VPS13C: variants seen among roughly 807,000 people sequenced by gnomAD.
VPS13C encodes the protein intermembrane lipid transfer protein VPS13C.
Under a neutral mutation model 456.8 loss-of-function variants are expected in VPS13C, and 358 were observed. That is an observed-to-expected ratio of 0.78 (90% CI 0.72 to 0.86). VPS13C has a LOEUF of 0.86. Ranked by LOEUF, VPS13C falls within the 40% of genes least tolerant of loss-of-function variation. VPS13C has a pLI of 0.00. For missense variants in VPS13C, 4,818 were observed against 4,385.4 expected (o/e 1.10, Z -2.79); for synonymous variants, 1,578 against 1,486.7 (o/e 1.06, Z -1.41).
chr15:61,978,590 T>C (rs201144693), intron 23 of VPS13C, 36 bp downstream of exon 23: 1 of 1,599,656 alleles, frequency 6.3e-7, no homozygotes, highest in Non-Finnish European at 8.5e-7. Context: ...CTACCCATCA[T>C]AATCCCAAGA....
At chr15:62,041,388 T>A in intron 2 of VPS13C, 22 bp from the exon 3 acceptor site, 2 of 1,593,132 alleles carry the variant, frequency 1.3e-6, no homozygotes, top group Middle Eastern at 3.3e-4. Flanking sequence ...AGAGAAAATG[T>A]AAAGGACATC....
chr15:61,863,602 A>C, intron 81 of VPS13C, 74 bp from the exon 82 acceptor site: 2 of 906,122 alleles, frequency 2.2e-6, no homozygotes, highest in Non-Finnish European at 3.5e-6. Flanking sequence ...CATATTAGCT[A>C]ATTATAATAA....
At chr15:62,041,136 A>AT (rs1468332477) in intron 3 of VPS13C, among the ~76,000 whole-genome samples, 188 bp downstream of exon 3, 4 of 152,176 alleles carry the variant, frequency 2.6e-5, no homozygotes, top group Non-Finnish European at 5.9e-5. Flanking sequence ...ACCTTTTGTC[A>AT]TAAAAAAAAG....
chr15:61,951,343 C>T (rs953343661), intron 39 of VPS13C, among the ~76,000 whole-genome samples: 1 of 152,034 alleles, frequency 6.6e-6, no homozygotes, highest in Non-Finnish European at 1.5e-5. Context: ...ATTCTCAATA[C>T]AAGTTTATTT....
chr15:61,864,540 A>G (rs922061598), intron 81 of VPS13C: 12 of 905,462 alleles, frequency 1.3e-5, no homozygotes, highest in Non-Finnish European at 1.6e-5. Flanking sequence ...TAATGCCAAT[A>G]TTATTAAAAG....
chr15:61,974,595 G>A (rs1304171791), intron 24 of VPS13C, among the ~76,000 whole-genome samples, 178 bp from the exon 25 acceptor site: 6 of 152,122 alleles, frequency 3.9e-5, no homozygotes, highest in Non-Finnish European at 4.4e-5. Context: ...TGTTAGCTAA[G>A]TTTTCAGATA....
chr15:61,871,975 T>C lies in VPS13C; in HGVS notation c.10624+14A>G. On this transcript the variant is annotated intron_variant, in intron 79 of 84. Transcript: ENST00000644861. ...CTTCAGACTTTGTAAAGGAAGGAAA[T>C]ATTTTCAACATACCTTCCACAGGTT... 1 of 1,609,362 alleles carries C rather than the reference T, an allele frequency of 6.2e-7. No homozygotes were observed. Among genetic ancestry groups the C allele is most frequent in the South Asian group, 1.1e-5 (1 of 90,606 alleles).
At chr15:61,896,812 C>T (rs1421360123) in intron 66 of VPS13C, among the ~76,000 whole-genome samples, 6 of 151,950 alleles carry the variant, frequency 3.9e-5, no homozygotes, top group Non-Finnish European at 1.5e-5. Context: ...CACAGACAAA[C>T]AAAAAGACAG....
chr15:61,993,267 TA>T (rs1391798304), intron 16 of VPS13C, among the ~76,000 whole-genome samples: 1 of 152,152 alleles, frequency 6.6e-6, no homozygotes, highest in African/African-American at 2.4e-5. Flanking sequence ...CTTTAAGTTT[TA>T]AAAGGGCAGG....
intron 15 of VPS13C, among the ~76,000 whole-genome samples, chr15:62,004,314 G>T (rs927963977): frequency 4.3e-4 from 65 of 152,002 alleles, no homozygotes; most frequent in African/African-American, 1.4e-3. Flanking sequence ...GCATAGAGGT[G>T]TTTGTAGTAT....
intron 37 of VPS13C, 116 bp downstream of exon 37, chr15:61,958,492 T>C: frequency 1.6e-6 from 1 of 631,822 alleles, no homozygotes; most frequent in East Asian, 3.1e-5. Context: ...GTTTACTCGG[T>C]AATACAAACT....
intron 39 of VPS13C, among the ~76,000 whole-genome samples, chr15:61,951,258 T>C (rs1169271805): frequency 6.6e-6 from 1 of 152,058 alleles, no homozygotes; most frequent in East Asian, 1.9e-4. Context: ...TGGTATAACC[T>C]ATGGTACTAC....
Position 61,930,092 on chromosome 15 carries a change from A to G in VPS13C, c.6039-344T>C, listed in dbSNP as rs188886910. 2.0e-4 allele frequency among the ~76,000 whole-genome samples: 30 copies of G among 152,362 alleles called. 3 individuals are homozygous for G. The East Asian group carries it at 5.8e-3, about 29-fold the overall frequency. ...AGGAATTTGGGCAATTAACAAAACA[A>G]ATCAGTGTAGTCACACAAAATAAAG... On this transcript the variant is annotated intron_variant, in intron 50 of 84. Coordinates refer to ENST00000644861, the MANE Select transcript of VPS13C (RefSeq NM_020821.3).
At chr15:61,887,465 G>C (rs925430023) in intron 67 of VPS13C, among the ~76,000 whole-genome samples, 1 of 152,062 alleles carries the variant, frequency 6.6e-6, no homozygotes, top group African/African-American at 2.4e-5. Flanking sequence ...AAATAAACTG[G>C]ATTAGACTTA....
At chr15:61,924,597 G>A (rs986384918) in intron 53 of VPS13C, among the ~76,000 whole-genome samples, 2 of 152,106 alleles carry the variant, frequency 1.3e-5, no homozygotes, top group African/African-American at 2.4e-5. Flanking sequence ...ATGCAAATTC[G>A]AGGAGTTTTT....
rs1319003124 is a variant in VPS13C, at chr15:62,044,239, A to T, written c.117T>A (p.Asp39Glu). ...LGIWGGNVAL[D>E]NLQIKENALS... ...GGGCATTTTCTTTTATCTGTAGATTATCTAAAGCCACATTTCCTTTAAAAA... is the reference window on the plus strand; with the variant it reads ...GGGCATTTTCTTTTATCTGTAGATTTTCTAAAGCCACATTTCCTTTAAAAA... Residue 39 changes from aspartate (D) to glutamate (E), a missense_variant, in exon 2 of 85, where the codon GAT (aspartate) becomes GAA (glutamate). Asp to Glu is a conservative substitution (Grantham distance 45, BLOSUM62 2). Transcript: ENST00000644861. The T allele has an allele frequency of 6.8e-7, 1 of 1,479,506 alleles. No homozygotes were observed. Among genetic ancestry groups the T allele is most frequent in the African/African-American group, 1.4e-5 (1 of 71,302 alleles). 91.6% of individuals were successfully genotyped at this position (1,479,506 alleles called of 1,614,324 possible).
At chr15:62,036,150 T>C (rs2140665386) in intron 3 of VPS13C, among the ~76,000 whole-genome samples, 1 of 152,172 alleles carries the variant, frequency 6.6e-6, no homozygotes, top group Non-Finnish European at 1.5e-5. Context: ...TAAACTTATA[T>C]TTAAAATCTA....
intron 21 of VPS13C, among the ~76,000 whole-genome samples, chr15:61,981,984 T>C (rs2045902773): frequency 1.3e-5 from 2 of 152,218 alleles, no homozygotes; most frequent in African/African-American, 4.8e-5. Flanking sequence ...TAGTCAATGG[T>C]AAACAATCTT....
At position 61,936,686 on chromosome 15, in the gene VPS13C, G is replaced by T; in HGVS notation, c.5666C>A (p.Ala1889Asp). ...CTGTGTAGGGCTTGGTTGTGAGGAA[G>T]CTTCTCCAAGATTTTCTAGCAAAAT... ...MKILLENLGE[A>D]SSQPSPTQSV... The change falls in exon 48 of 85, where the codon GCT becomes GAT. Residue 1889 changes from alanine to aspartate, a missense_variant. Physicochemically the swap from Ala to Asp is moderately radical, Grantham distance 126 (BLOSUM62 -2). This residue lies in a region of VPS13C where 4,552 missense variants were observed against 4,130.6 expected (regional missense o/e 1.10). Coordinates refer to ENST00000644861, the MANE Select transcript of VPS13C (RefSeq NM_020821.3). 2 of 1,612,546 alleles carry T rather than the reference G, an allele frequency of 1.2e-6. No individual in the cohort carries two copies. The highest frequency in any genetic ancestry group is 1.7e-6 in the Non-Finnish European group (2 of 1,179,358).
Sources: gnomAD v4.1 joint callset for allele counts (sites outside exome capture counted in the v4.1 genomes callset) on GRCh38, gnomAD v4.1.1 for gene constraint, gnomAD v4.1.1 regional missense constraint, MANE v1.5 for transcripts, NCBI Gene and HGNC (gene_info 2026-07-23, HGNC 2026-07-21) for gene names.